The following DDHD2 variants were observed in gnomAD, a reference collection of about 807,000 sequenced individuals.
DDHD2 encodes DDHD domain containing 2.
Under a neutral mutation model 91.2 loss-of-function variants are expected in DDHD2, and 62 were observed. The ratio of observed to expected loss-of-function variants is 0.68; its 90% CI spans 0.55 to 0.84. DDHD2 has a LOEUF of 0.84. DDHD2 is among the 40% of genes least tolerant of loss of function. The pLI is 0.00. For synonymous variants in DDHD2, 271 were observed against 293.9 expected, an observed-to-expected ratio of 0.92 and a Z score of 0.80; for missense variants, 740 against 846.9, an observed-to-expected ratio of 0.87 and a Z score of 1.57.
At chr8:38,266,295 C>T (rs937649824), downstream of DDHD2, 1 of 1,612,712 alleles carries the variant, frequency 6.2e-7, no homozygotes, top group African/African-American at 1.3e-5. Context: ...ACGCAAAGGC[C>T]AGACCAGCAA....
chr8:38,248,082 C>T (rs1805788743), intron 10 of DDHD2, among the ~76,000 whole-genome samples: 1 of 152,174 alleles, frequency 6.6e-6, no homozygotes, highest in African/African-American at 2.4e-5. Context: ...TCATAGAAAA[C>T]ATGAGTGCAA....
chr8:38,258,453 A>G (rs940093575), intron 16 of DDHD2, among the ~76,000 whole-genome samples: 13 of 151,964 alleles, frequency 8.6e-5, no homozygotes, highest in African/African-American at 2.9e-4. Context: ...GGGTTTCACT[A>G]TGTTGGCCAG....
intron 1 of DDHD2, chr8:38,270,428 C>T (rs1201105604): frequency 6.6e-6 from 1 of 152,194 alleles, no homozygotes; most frequent in Non-Finnish European, 1.5e-5. Context: ...CAAATATACA[C>T]ATACCCTTGT....
intron 3 of DDHD2, among the ~76,000 whole-genome samples, chr8:38,235,898 C>CACACAAAT (rs1804696091): frequency 6.6e-6 from 1 of 151,492 alleles, no homozygotes; most frequent in Non-Finnish European, 1.5e-5. Context: ...CACACACACA[C>CACACAAAT]ACAAATACAA....
At chr8:38,255,294 T>C in intron 16 of DDHD2, 1 of 480,460 alleles carries the variant, frequency 2.1e-6, no homozygotes, top group Non-Finnish European at 4.1e-6. Flanking sequence ...CTATCGTTTG[T>C]ATATAATATA....
chr8:38,245,663 T>G (rs1264739010), intron 7 of DDHD2, 79 bp from the exon 8 acceptor site: 6 of 1,281,764 alleles, frequency 4.7e-6, no homozygotes, highest in Non-Finnish European at 6.6e-6. Context: ...ATAAAATGTT[T>G]AAGCTTGAAG....
chr8:38,271,181 T>G (rs1808462863), exon 2 of DDHD2: 1 of 152,168 alleles, frequency 6.6e-6, no homozygotes, highest in African/African-American at 2.4e-5. Context: ...CACTCTCCCA[T>G]TTGCAGAACT....
At chr8:38,267,319 ATC>A (rs1464084298), downstream of DDHD2, 2 of 1,613,912 alleles carry the variant, frequency 1.2e-6, no homozygotes, top group Non-Finnish European at 1.7e-6. Flanking sequence ...CCACGTCCTT[ATC>A]CCCTGTACAC....
rs1806911771 is a variant in DDHD2, at chr8:38,260,366, T to C, written c.*26+219T>C. On this transcript the variant is annotated intron_variant, in intron 17 of 17. Coordinates refer to ENST00000397166, the MANE Select transcript of DDHD2 (RefSeq NM_015214.3). ...AGTGTATGTCTGTTTTGCTAGAGAT[T>C]TTGTCCAATGACACCTGTCATTTTT... 3 of 355,284 alleles carry C rather than the reference T, an allele frequency of 8.4e-6. No homozygotes were observed. In the South Asian group the frequency reaches 2.0e-4, roughly 24 times the overall value. The allele number at this position is 355,284 out of a possible 1,614,324, so 22.0% of individuals were successfully genotyped here.
intron 2 of DDHD2, among the ~76,000 whole-genome samples, chr8:38,233,963 T>G (rs1411387349): frequency 6.6e-6 from 1 of 151,688 alleles, no homozygotes; most frequent in Non-Finnish European, 1.5e-5. Context: ...AAAAAGTATG[T>G]ATAGAGTGGG....
At chr8:38,241,365 C>T (rs934728691) in intron 6 of DDHD2, among the ~76,000 whole-genome samples, 4 of 151,332 alleles carry the variant, frequency 2.6e-5, no homozygotes, top group Non-Finnish European at 5.9e-5. Flanking sequence ...ATGATGCCGA[C>T]GTTTTGAAGT....
intron 7 of DDHD2, among the ~76,000 whole-genome samples, chr8:38,243,753 C>T (rs1013671808): frequency 6.6e-6 from 1 of 151,846 alleles, no homozygotes; most frequent in African/African-American, 2.4e-5. Context: ...CCCAGCCTCC[C>T]AAGTACTGCT....
chr8:38,263,844 A>G, downstream of DDHD2: 1 of 985,290 alleles, frequency 1.0e-6, no homozygotes. Flanking sequence ...TAAGAATGGC[A>G]TTTAAATTAA....
chr8:38,240,642 C>A (rs1805181156), intron 6 of DDHD2, among the ~76,000 whole-genome samples: 2 of 152,148 alleles, frequency 1.3e-5, no homozygotes, highest in Admixed American at 6.6e-5. Context: ...CTAACTATTT[C>A]AAATTTACAG....
chr8:38,254,460 A>C (rs1208491708), intron 16 of DDHD2, among the ~76,000 whole-genome samples: 1 of 152,028 alleles, frequency 6.6e-6, no homozygotes, highest in Non-Finnish European at 1.5e-5. Flanking sequence ...GGTTCACTGC[A>C]GCCTTGACCT....
chr8:38,233,630 T>C (rs1455607039), intron 2 of DDHD2, among the ~76,000 whole-genome samples: 1 of 151,772 alleles, frequency 6.6e-6, no homozygotes, highest in African/African-American at 2.4e-5. Flanking sequence ...TTACTTTGTT[T>C]TATAAAGAAT....
At chr8:38,234,955 T>C (rs1804596457) in intron 3 of DDHD2, among the ~76,000 whole-genome samples, 1 of 152,032 alleles carries the variant, frequency 6.6e-6, no homozygotes, top group Non-Finnish European at 1.5e-5. Context: ...GGGGCACTGC[T>C]ATCTTTCCTC....
intron 3 of DDHD2, among the ~76,000 whole-genome samples, chr8:38,235,594 G>C (rs1023505986): frequency 1.3e-5 from 2 of 151,638 alleles, no homozygotes; most frequent in Non-Finnish European, 2.9e-5. Flanking sequence ...GGTGGTGCAC[G>C]CCTGTAATCC....
At chr8:38,246,133 A>G (rs902049277) in intron 8 of DDHD2, 100 bp from the exon 9 acceptor site, 1 of 1,102,452 alleles carries the variant, frequency 9.1e-7, no homozygotes, top group African/African-American at 1.6e-5. Context: ...TGCTGTATAG[A>G]TTTGCTTACA....
Sources: allele counts gnomAD v4.1 joint callset (sites outside exome capture counted in the v4.1 genomes callset), GRCh38; gene constraint gnomAD v4.1.1; transcripts MANE v1.5; gene names NCBI Gene and HGNC (gene_info 2026-07-23, HGNC 2026-07-21).